The following MACROD2 variants were observed in gnomAD, a reference collection of about 807,000 sequenced individuals.
MACROD2 encodes the protein ADP-ribose glycohydrolase MACROD2.
Under a neutral mutation model 70.4 loss-of-function variants are expected in MACROD2, and 36 were observed. That is an observed-to-expected ratio of 0.51 (90% CI 0.39 to 0.68). The LOEUF is 0.68. Among genes scored for constraint, MACROD2 ranks in the 30% least tolerant of loss-of-function variants. The pLI, the probability that MACROD2 is intolerant of heterozygous loss-of-function variation, is 0.00. For missense variants in MACROD2, 496 were observed against 538.4 expected (o/e 0.92, Z 0.78); for synonymous variants, 172 against 178.8 (o/e 0.96, Z 0.30).
intron 3 of MACROD2, among the ~76,000 whole-genome samples, chr20:14,288,511 G>A (rs796898034): frequency 1.3e-5 from 2 of 152,284 alleles, no homozygotes; most frequent in African/African-American, 4.8e-5. Flanking sequence ...CCAGAACAGG[G>A]TGTCTTATCC....
intron 3 of MACROD2, among the ~76,000 whole-genome samples, chr20:14,312,876 T>C (rs6074716): frequency 0.39 from 58,796 of 152,152 alleles, 12,779 homozygotes; most frequent in Non-Finnish European, 0.49. Context: ...TCCAGAACTC[T>C]TTTCACAACC....
chr20:14,140,015 A>G (rs1175767426), intron 3 of MACROD2, among the ~76,000 whole-genome samples: 2 of 152,230 alleles, frequency 1.3e-5, no homozygotes, highest in Non-Finnish European at 2.9e-5. Flanking sequence ...AAGATATCTC[A>G]TTTTATATAT....
chr20:15,606,547 T>G (rs1289900160), intron 8 of MACROD2, among the ~76,000 whole-genome samples: 1 of 152,220 alleles, frequency 6.6e-6, no homozygotes, highest in African/African-American at 2.4e-5. Flanking sequence ...GTATGGTATT[T>G]GTGTCCCAAC....
At position 14,944,516 on chromosome 20, in the gene MACROD2, C is replaced by T. The variant is rs548946457; in HGVS notation, c.418+259557C>T. 4.6e-5 allele frequency among the ~76,000 whole-genome samples: 7 copies of T among 152,280 alleles called. No individual in the cohort carries two copies. The South Asian group carries it at 1.4e-3, about 32-fold the overall frequency. ...TGTCAGTACTAGGCTTGTCTGCTGT[C>T]AATTTGACATCATCCCATCTCTGGG... On this transcript the variant is annotated intron_variant, in intron 5 of 17. Transcript: ENST00000684519.
chr20:15,380,171 T>C (rs6043243), intron 6 of MACROD2, among the ~76,000 whole-genome samples: 50,877 of 149,226 alleles, frequency 0.34, 11,702 homozygotes, highest in African/African-American at 0.67. Flanking sequence ...TTCTTTATCA[T>C]ACCATCATTT....
At chr20:14,145,905 G>T (rs1445501906) in intron 3 of MACROD2, among the ~76,000 whole-genome samples, 4 of 152,150 alleles carry the variant, frequency 2.6e-5, no homozygotes, top group Admixed American at 2.0e-4. Flanking sequence ...ATTGTTTTGT[G>T]CATATTAGTT....
intron 5 of MACROD2, among the ~76,000 whole-genome samples, chr20:14,757,261 T>C (rs1020610929): frequency 6.6e-6 from 1 of 152,104 alleles, no homozygotes; most frequent in Non-Finnish European, 1.5e-5. Context: ...AGTTATGACT[T>C]TAAAAGGAAA....
intron 5 of MACROD2, among the ~76,000 whole-genome samples, chr20:14,853,005 C>T (rs961767763): frequency 6.6e-6 from 1 of 151,946 alleles, no homozygotes; most frequent in African/African-American, 2.4e-5. Flanking sequence ...TGAATGTTGC[C>T]GTGTAGGAAT....
chr20:14,722,729 G>A (rs2071484377), intron 5 of MACROD2, among the ~76,000 whole-genome samples: 3 of 151,976 alleles, frequency 2.0e-5, no homozygotes, highest in African/African-American at 7.3e-5. Context: ...ACCTATATTG[G>A]TTCCCAAATG....
chr20:14,700,031 AAAGTTTAAAGTTTAAATCTAG>A (rs1350477836), intron 5 of MACROD2, among the ~76,000 whole-genome samples: 25 of 150,244 alleles, frequency 1.7e-4, no homozygotes, highest in East Asian at 7.9e-4. Context: ...CTAGAAGTTT[AAAGTTTAAAGTTTAAATCTAG>A]AAGTTTAAAG....
chr20:15,675,672 T>C (rs1033603085), intron 8 of MACROD2, among the ~76,000 whole-genome samples: 1 of 152,194 alleles, frequency 6.6e-6, no homozygotes, highest in Non-Finnish European at 1.5e-5. Context: ...AGTATATGAC[T>C]AAGGCACTTT....
chr20:15,055,593 C>T (rs751436876), intron 5 of MACROD2, among the ~76,000 whole-genome samples: 32 of 151,960 alleles, frequency 2.1e-4, no homozygotes, highest in African/African-American at 6.8e-4. Flanking sequence ...AATTGGGAGG[C>T]GGGGATGGGA....
chr20:15,780,309 G>C (rs2051809506), intron 8 of MACROD2, among the ~76,000 whole-genome samples: 1 of 152,020 alleles, frequency 6.6e-6, no homozygotes, highest in African/African-American at 2.4e-5. Flanking sequence ...ACTAAGAATG[G>C]CTTACATTAA....
At chr20:15,355,799 A>G (rs1334613867) in intron 6 of MACROD2, among the ~76,000 whole-genome samples, 1 of 152,210 alleles carries the variant, frequency 6.6e-6, no homozygotes, top group Non-Finnish European at 1.5e-5. Flanking sequence ...GACAAATACC[A>G]TTTATATTCT....
intron 7 of MACROD2, among the ~76,000 whole-genome samples, chr20:15,441,568 G>T (rs2046495068): frequency 6.6e-6 from 1 of 152,052 alleles, no homozygotes; most frequent in Non-Finnish European, 1.5e-5. Context: ...TATATGCATG[G>T]AAGAAACTTG....
intron 8 of MACROD2, among the ~76,000 whole-genome samples, chr20:15,685,516 C>T (rs1474353479): frequency 2.0e-5 from 3 of 152,152 alleles, no homozygotes; most frequent in Non-Finnish European, 4.4e-5. Context: ...ATGGAGAGGG[C>T]TTCATGGAGA....
chr20:14,423,658 T>C lies in MACROD2; in HGVS notation c.272-69821T>C, dbSNP rs556548349. Among the ~76,000 whole-genome samples the C allele has an allele frequency of 3.0e-3, 369 of 122,476 alleles. 2 individuals are homozygous for C. The highest frequency in any genetic ancestry group is 0.014 in the Admixed American group (158 of 11,144). The allele number at this position is 122,476 out of a possible 152,430, so 80.3% of individuals were successfully genotyped here. The stretch of plus-strand genomic sequence containing the variant: ...GAGCTTGCGTTGAGCTGAGATCGCC[T>C]CACTGCACTCCAGCCTGGACGACAG... On this transcript the variant is annotated intron_variant, in intron 3 of 17. Coordinates refer to ENST00000684519, the MANE Select transcript of MACROD2 (RefSeq NM_001351661.2).
At chr20:14,345,026 G>A (rs1380447776) in intron 3 of MACROD2, among the ~76,000 whole-genome samples, 1 of 152,048 alleles carries the variant, frequency 6.6e-6, no homozygotes, top group African/African-American at 2.4e-5. Flanking sequence ...AAAGAACAAA[G>A]GATTTTGACT....
chr20:15,427,178 A>G (rs1014979988), intron 6 of MACROD2, among the ~76,000 whole-genome samples: 4 of 152,176 alleles, frequency 2.6e-5, no homozygotes, highest in Admixed American at 2.6e-4. Context: ...AATTAATGCA[A>G]TAATATTACC....
Sources: allele counts gnomAD v4.1 joint callset (sites outside exome capture counted in the v4.1 genomes callset), GRCh38; gene constraint gnomAD v4.1.1; transcripts MANE v1.5; gene names NCBI Gene and HGNC (gene_info 2026-07-23, HGNC 2026-07-21).